Variants in ANO1 observed in about 807,000 individuals in gnomAD.
ANO1 encodes anoctamin 1.
A neutral mutation model predicts 124.0 loss-of-function variants in ANO1; 59 were observed. That is an observed-to-expected ratio of 0.48 (90% CI 0.39 to 0.59). The LOEUF (loss-of-function observed/expected upper bound fraction) is 0.59. Ranked by LOEUF, ANO1 falls within the 20% of genes least tolerant of loss-of-function variation. The pLI, the probability that ANO1 is intolerant of heterozygous loss-of-function variation, is 0.00. For synonymous variants in ANO1, 529 were observed against 532.0 expected (o/e 0.99, Z 0.08); for missense variants, 1,059 against 1,328.0 (o/e 0.80, Z 3.15).
chr11:70,140,719 A>ATTT (rs2047124163), intron 11 of ANO1, among the ~76,000 whole-genome samples: 1 of 152,182 alleles, frequency 6.6e-6, no homozygotes, highest in Non-Finnish European at 1.5e-5. Flanking sequence ...GTGATAAAGG[A>ATTT]TTAATTGTCT....
chr11:70,032,536 G>GT (rs137963273), intron 1 of ANO1, among the ~76,000 whole-genome samples: 1 of 74,656 alleles, frequency 1.3e-5, no homozygotes, highest in Non-Finnish European at 3.1e-5. Context: ...AGGCGGGAGA[G>GT]GGGGGGGGTC....
chr11:70,026,180 GTGA>G (rs1349197134), intron 1 of ANO1, among the ~76,000 whole-genome samples: 8 of 149,608 alleles, frequency 5.3e-5, no homozygotes, highest in East Asian at 2.0e-4. Flanking sequence ...GGTGGTGGTG[GTGA>G]TGATGATGAT....
At chr11:69,980,579 C>T in the ANO1 span, among the ~76,000 whole-genome samples, 1 of 151,604 alleles carries the variant, frequency 6.6e-6, no homozygotes. Context: ...TGAGATTATA[C>T]CACTGCACTC....
At chr11:70,142,182 G>T (rs1214076621) in intron 11 of ANO1, among the ~76,000 whole-genome samples, 1 of 152,212 alleles carries the variant, frequency 6.6e-6, no homozygotes, top group Admixed American at 6.5e-5. Flanking sequence ...GGTTTTAACT[G>T]CTTGTCAGTT....
intron 1 of ANO1, among the ~76,000 whole-genome samples, chr11:70,018,706 A>C (rs1353094832): frequency 6.6e-6 from 1 of 152,204 alleles, no homozygotes; most frequent in Non-Finnish European, 1.5e-5. Context: ...CTGCAGCAGG[A>C]TGTAGCCCAT....
intron 1 of ANO1, among the ~76,000 whole-genome samples, chr11:70,008,981 G>T (rs1043374474): frequency 2.6e-5 from 4 of 152,126 alleles, no homozygotes; most frequent in African/African-American, 9.7e-5. Context: ...GATGAGCGTG[G>T]CCCAGCCTCA....
At chr11:70,066,061 A>G (rs1857709273) in intron 1 of ANO1, among the ~76,000 whole-genome samples, 1 of 152,242 alleles carries the variant, frequency 6.6e-6, no homozygotes. Flanking sequence ...CTGTGGGAGT[A>G]GAGCAGGGAC....
At chr11:70,128,630 C>T (rs567920064) in intron 10 of ANO1, among the ~76,000 whole-genome samples, 2 of 152,328 alleles carry the variant, frequency 1.3e-5, no homozygotes, top group East Asian at 1.9e-4. Flanking sequence ...TGGAGCGAAG[C>T]GGGAGGTGCG....
At chr11:70,183,758 AT>A (rs1417120872) in intron 24 of ANO1, among the ~76,000 whole-genome samples, 1 of 152,194 alleles carries the variant, frequency 6.6e-6, no homozygotes, top group Non-Finnish European at 1.5e-5. Context: ...TCAGTGCTGA[AT>A]AGGCCCTCGG....
Position 70,136,661 on chromosome 11 carries a change from C to T in ANO1, c.1258+4582C>T, listed in dbSNP as rs192330276. On this transcript the variant is annotated intron_variant, in intron 11 of 25. Transcript: ENST00000355303. ...CCTGGTGAGGTCAGGTGCCTGTCGT[C>T]GGCGTCTGCACTTGCCTGGAAGCCG... Among the ~76,000 whole-genome samples, 4 of 147,188 alleles carry T rather than the reference C, an allele frequency of 2.7e-5. 1 individual carries two copies. Among genetic ancestry groups the T allele is most frequent in the Non-Finnish European group, 4.5e-5 (3 of 66,120 alleles).
intron 11 of ANO1, 109 bp downstream of exon 11, chr11:70,132,188 G>GAAAAAAAAAAA: frequency 2.2e-6 from 3 of 1,373,930 alleles, no homozygotes; most frequent in Admixed American, 4.9e-5. Flanking sequence ...GGGTTGTCGG[G>GAAAAAAAAAAA]AAAAAACATA....
chr11:70,128,625 C>T (rs10898701), intron 10 of ANO1, among the ~76,000 whole-genome samples: 110,229 of 152,180 alleles, frequency 0.72, 40,227 homozygotes, highest in East Asian at 0.83. Flanking sequence ...CGACCTGGAG[C>T]GAAGCGGGAG....
At chr11:70,070,276 G>A (rs80099935) in intron 1 of ANO1, among the ~76,000 whole-genome samples, 4,916 of 152,286 alleles carry the variant, frequency 0.032, 95 homozygotes, top group Middle Eastern at 0.11. Context: ...GGAGGGTGAG[G>A]GGAGGCAGAG....
At chr11:69,998,033 C>T (rs892518443) in intron 1 of ANO1, among the ~76,000 whole-genome samples, 2 of 152,130 alleles carry the variant, frequency 1.3e-5, no homozygotes, top group Non-Finnish European at 2.9e-5. Flanking sequence ...TTTCTCCACG[C>T]CTCCTCCTCA....
chr11:69,976,400 G>A, the ANO1 span, among the ~76,000 whole-genome samples: 45 of 151,950 alleles, frequency 3.0e-4, no homozygotes, highest in Middle Eastern at 0.01. Flanking sequence ...GCAGCTACTC[G>A]GGAGGCTGAG....
chr11:70,006,920 T>C (rs990318209), intron 1 of ANO1, among the ~76,000 whole-genome samples: 3 of 152,122 alleles, frequency 2.0e-5, no homozygotes, highest in Non-Finnish European at 4.4e-5. Context: ...TCCGCCCGCC[T>C]CGGCCTCCCA....
chr11:69,999,439 G>T (rs1187264850), intron 1 of ANO1, among the ~76,000 whole-genome samples: 1 of 152,166 alleles, frequency 6.6e-6, no homozygotes, highest in African/African-American at 2.4e-5. Context: ...TGAGATTTGG[G>T]CGGGGACAAT....
Position 70,116,515 on chromosome 11 carries a change from G to A in ANO1, c.897+16G>A, listed in dbSNP as rs746980476. ...CGACAGAAAAGTAAGTTGATGGAGC[G>A]GAGCAGGAGGTGGCTCTGTCAGAGC... On this transcript the variant is annotated intron_variant, in intron 8 of 25. Coordinates refer to ENST00000355303, the MANE Select transcript of ANO1 (RefSeq NM_018043.7). The A allele has an allele frequency of 1.6e-5, 26 of 1,584,546 alleles. No individual in the cohort carries two copies. Among genetic ancestry groups the A allele is most frequent in the South Asian group, 3.5e-5 (3 of 86,510 alleles).
chr11:69,994,007 T>G (rs1317286641), intron 1 of ANO1, among the ~76,000 whole-genome samples: 1 of 151,964 alleles, frequency 6.6e-6, no homozygotes, highest in Non-Finnish European at 1.5e-5. Context: ...CATGAGGAGT[T>G]GGTCAGTGTC....
Sources: gnomAD v4.1 joint callset for allele counts (sites outside exome capture counted in the v4.1 genomes callset) on GRCh38, gnomAD v4.1.1 for gene constraint, MANE v1.5 for transcripts, NCBI Gene and HGNC (gene_info 2026-07-23, HGNC 2026-07-21) for gene names.